The following CNTN4 variants were observed in gnomAD, a reference collection of about 807,000 sequenced individuals.
The protein encoded by CNTN4 is contactin-4.
CNTN4 carries 77 observed loss-of-function variants against 122.5 expected under a neutral mutation model. That is an observed-to-expected ratio of 0.63 (90% confidence interval 0.52 to 0.76). CNTN4 has a LOEUF of 0.76. CNTN4 is among the 30% of genes least tolerant of loss of function. CNTN4 has a pLI of 0.00. For missense variants in CNTN4, 1,256 were observed against 1,259.1 expected, an observed-to-expected ratio of 1.00 and a Z score of 0.04; for synonymous variants, 512 against 447.0, an observed-to-expected ratio of 1.15 and a Z score of -1.83.
At chr3:2,258,984 T>G (rs1032281063) in intron 2 of CNTN4, among the ~76,000 whole-genome samples, 1 of 152,172 alleles carries the variant, frequency 6.6e-6, no homozygotes, top group Non-Finnish European at 1.5e-5. Context: ...TCTTATAACC[T>G]TATAAGGCAT....
rs142906514 is a variant in CNTN4, at chr3:2,507,481, C to G, written c.-88-63935C>G. Among the ~76,000 whole-genome samples, 458 of 151,886 alleles carry G rather than the reference C, an allele frequency of 3.0e-3. 3 individuals are homozygous for G. Among genetic ancestry groups the G allele is most frequent in the African/African-American group, 0.011 (446 of 41,428 alleles). On this transcript the variant is annotated intron_variant, in intron 3 of 24. Transcript: ENST00000418658. ...CTGTAATCCCAGCACTCTGGTAGGC[C>G]CGATCACTCTGGGAGGTGATCTTGT...
At chr3:2,166,808 C>A (rs986889520) in intron 2 of CNTN4, among the ~76,000 whole-genome samples, 1 of 151,936 alleles carries the variant, frequency 6.6e-6, no homozygotes, top group African/African-American at 2.4e-5. Context: ...ACATTACTTA[C>A]ATATGCTTAT....
intron 12 of CNTN4, among the ~76,000 whole-genome samples, chr3:2,916,367 G>A (rs1290773914): frequency 6.7e-6 from 1 of 149,092 alleles, no homozygotes; most frequent in Non-Finnish European, 1.5e-5. Context: ...CAGTGTTTGT[G>A]TCCCTGGGTA....
At chr3:2,925,861 G>A in intron 13 of CNTN4, 82 bp downstream of exon 13, 2 of 1,226,246 alleles carry the variant, frequency 1.6e-6, no homozygotes, top group South Asian at 2.4e-5. Flanking sequence ...AGGGGAAGGT[G>A]GGGTGACTAT....
At chr3:2,686,560 A>T (rs571236121) in intron 4 of CNTN4, among the ~76,000 whole-genome samples, 1 of 140,502 alleles carries the variant, frequency 7.1e-6, no homozygotes, top group East Asian at 1.9e-4. Context: ...AAATTGTTTG[A>T]TGTTTGCTTT....
intron 6 of CNTN4, among the ~76,000 whole-genome samples, chr3:2,793,016 T>G (rs192668147): frequency 6.6e-6 from 1 of 152,216 alleles, no homozygotes. Context: ...GAAGTATTAT[T>G]GTTTCCATTA....
chr3:2,754,735 G>A (rs373843302), intron 6 of CNTN4, among the ~76,000 whole-genome samples: 13 of 150,128 alleles, frequency 8.7e-5, no homozygotes, highest in East Asian at 3.9e-4. Flanking sequence ...CTGCTGTTGC[G>A]GAATGAAGTG....
chr3:3,009,564 G>C (rs962136860), intron 14 of CNTN4, among the ~76,000 whole-genome samples: 32 of 146,324 alleles, frequency 2.2e-4, no homozygotes, highest in African/African-American at 6.8e-4. Flanking sequence ...TTCCCGAGTA[G>C]CTGGGACTAC....
chr3:2,713,815 T>C (rs899009980), intron 4 of CNTN4, among the ~76,000 whole-genome samples: 7 of 152,212 alleles, frequency 4.6e-5, no homozygotes, highest in African/African-American at 1.7e-4. Context: ...AGGCTTTAGA[T>C]TCTCACAGAC....
At position 2,781,889 on chromosome 3, in the gene CNTN4, A is replaced by G. The variant is rs571737915; in HGVS notation, c.358+36192A>G. Among the ~76,000 whole-genome samples the G allele has an allele frequency of 9.3e-4, 61 of 65,652 alleles. 4 individuals are homozygous for G. Among genetic ancestry groups the G allele is most frequent in the South Asian group, 3.2e-3 (7 of 2,158 alleles). 43.1% of individuals were successfully genotyped at this position (65,652 alleles called of 152,430 possible). A position where few individuals can be genotyped will look rare whatever the true frequency, so the allele number is the denominator to read the frequency against. ...GCAGGCGCCCGCACCACGCCCGGCTAATTTTTTGTATTTTTAGTAGAGACG... is the reference window on the plus strand; with the variant it reads ...GCAGGCGCCCGCACCACGCCCGGCTGATTTTTTGTATTTTTAGTAGAGACG... On this transcript the variant is annotated intron_variant, in intron 6 of 24. Transcript: ENST00000418658.
intron 2 of CNTN4, among the ~76,000 whole-genome samples, chr3:2,165,099 G>T (rs1471423698): frequency 6.6e-6 from 1 of 152,092 alleles, no homozygotes; most frequent in Non-Finnish European, 1.5e-5. Context: ...GAAGCAGGTG[G>T]ATCATCTGAG....
intron 3 of CNTN4, among the ~76,000 whole-genome samples, chr3:2,357,001 G>A (rs1308517793): frequency 1.3e-5 from 2 of 152,134 alleles, no homozygotes; most frequent in African/African-American, 4.8e-5. Flanking sequence ...AGATTAGATG[G>A]TATGGTGTTG....
chr3:2,116,339 C>T lies in CNTN4; in HGVS notation c.-145+15700C>T, dbSNP rs151115097. ...TCCAATCCATCATTCCTGTCCTCAGCTTGGAAGTGGAGGAGGGGAGACGTG... is the reference window on the plus strand; with the variant it reads ...TCCAATCCATCATTCCTGTCCTCAGTTTGGAAGTGGAGGAGGGGAGACGTG... On this transcript the variant is annotated intron_variant, in intron 2 of 24. Transcript: ENST00000418658. Among the ~76,000 whole-genome samples the T allele has an allele frequency of 5.1e-3, 777 of 152,200 alleles. 13 individuals are homozygous for T. The highest frequency in any genetic ancestry group is 0.018 in the African/African-American group (756 of 41,526).
At position 2,291,158 on chromosome 3, in the gene CNTN4, T is replaced by C. The variant is rs181499604; in HGVS notation, c.-144-48020T>C. 6.6e-3 allele frequency among the ~76,000 whole-genome samples: 999 copies of C among 152,276 alleles called. 6 individuals carry two copies. Among genetic ancestry groups the C allele is most frequent in the African/African-American group, 0.023 (958 of 41,538 alleles). ...TTTTTGTTATTCTTATTTCTTTGCT[T>C]GGATTTATGTAAATTTTTTTACCCT... On this transcript the variant is annotated intron_variant, in intron 2 of 24. Transcript: ENST00000418658.
At chr3:2,671,058 A>T (rs1051972602) in intron 4 of CNTN4, among the ~76,000 whole-genome samples, 3 of 151,932 alleles carry the variant, frequency 2.0e-5, no homozygotes, top group Non-Finnish European at 2.9e-5. Context: ...GGTGAATCTG[A>T]CAATTATGTG....
chr3:2,741,563 G>A (rs2089458715), intron 5 of CNTN4, among the ~76,000 whole-genome samples: 1 of 152,188 alleles, frequency 6.6e-6, no homozygotes, highest in Non-Finnish European at 1.5e-5. Flanking sequence ...GGGCAAGCCA[G>A]AATGAATAGT....
intron 13 of CNTN4, among the ~76,000 whole-genome samples, chr3:2,986,173 C>G (rs780080618): frequency 2.6e-5 from 4 of 152,170 alleles, no homozygotes; most frequent in African/African-American, 9.7e-5. Context: ...CCTCAGCCCC[C>G]TAAAGTGCTA....
chr3:2,478,512 C>A (rs1248419423), intron 3 of CNTN4, among the ~76,000 whole-genome samples: 1 of 151,528 alleles, frequency 6.6e-6, no homozygotes, highest in Admixed American at 6.6e-5. Context: ...GTTTACTGCA[C>A]AGATCATCTC....
At chr3:3,032,197 G>C (rs1332211329) in intron 16 of CNTN4, among the ~76,000 whole-genome samples, 3 of 152,144 alleles carry the variant, frequency 2.0e-5, no homozygotes. Context: ...ATAACTTATA[G>C]AAATGTGTTT....
Sources: gnomAD v4.1 joint callset for allele counts (sites outside exome capture counted in the v4.1 genomes callset) on GRCh38, gnomAD v4.1.1 for gene constraint, MANE v1.5 for transcripts, NCBI Gene and HGNC (gene_info 2026-07-23, HGNC 2026-07-21) for gene names.